The following SMYD3 variants were observed in gnomAD, a reference collection of about 807,000 sequenced individuals.
SMYD3 encodes the protein histone-lysine N-methyltransferase SMYD3.
Under a neutral mutation model 57.7 loss-of-function variants are expected in SMYD3, and 36 were observed. The observed-to-expected ratio is 0.62, with a 90% CI of 0.48 to 0.82. SMYD3 has a LOEUF of 0.82. Among genes scored for constraint, SMYD3 ranks in the 40% least tolerant of loss-of-function variants. SMYD3 has a pLI of 0.00. For missense variants in SMYD3, 515 were observed against 538.8 expected, an observed-to-expected ratio of 0.96 and a Z score of 0.44; for synonymous variants, 211 against 195.0, an observed-to-expected ratio of 1.08 and a Z score of -0.68.
At chr1:245,999,767 T>C (rs578167862) in intron 5 of SMYD3, among the ~76,000 whole-genome samples, 1 of 152,328 alleles carries the variant, frequency 6.6e-6, no homozygotes, top group East Asian at 1.9e-4. Context: ...TACAGGATAC[T>C]ACTGATCTTT....
chr1:245,955,178 G>A (rs547792209), intron 5 of SMYD3, among the ~76,000 whole-genome samples: 25 of 152,212 alleles, frequency 1.6e-4, no homozygotes, highest in South Asian at 2.1e-4. Context: ...TGCAAGTTCC[G>A]CCTCCCGGGT....
intron 7 of SMYD3, among the ~76,000 whole-genome samples, chr1:245,918,950 C>T (rs7550259): frequency 7.9e-5 from 12 of 152,136 alleles, no homozygotes; most frequent in Non-Finnish European, 1.8e-4. Context: ...TTGACTAACC[C>T]AAGACTTTAT....
intron 5 of SMYD3, among the ~76,000 whole-genome samples, chr1:246,116,201 GACACACACACACACAC>G (rs56722969): frequency 2.5e-4 from 37 of 146,028 alleles, no homozygotes; most frequent in South Asian, 9.1e-4. Context: ...CCCTGAGATG[GACACACACACACACAC>G]ACACACACAC....
At chr1:246,335,187 A>T (rs1022506489) in intron 3 of SMYD3, among the ~76,000 whole-genome samples, 180 bp downstream of exon 3, 1 of 152,214 alleles carries the variant, frequency 6.6e-6, no homozygotes, top group Non-Finnish European at 1.5e-5. Context: ...TATAATGTAA[A>T]CATAACTTTT....
At chr1:246,121,891 A>C (rs532337793) in intron 5 of SMYD3, among the ~76,000 whole-genome samples, 1 of 152,286 alleles carries the variant, frequency 6.6e-6, no homozygotes, top group Non-Finnish European at 1.5e-5. Flanking sequence ...AATCAAATAA[A>C]ATATCACAAG....
At chr1:245,914,955 TAGGGTTGACTATAA>T (rs1281505546) in intron 8 of SMYD3, among the ~76,000 whole-genome samples, 2 of 152,014 alleles carry the variant, frequency 1.3e-5, no homozygotes, top group African/African-American at 2.4e-5. Context: ...GTAGGGGTGG[TAGGGTTGACTATAA>T]AGGGACATGA....
intron 7 of SMYD3, among the ~76,000 whole-genome samples, chr1:245,927,453 G>A (rs1477177544): frequency 6.6e-6 from 1 of 152,206 alleles, no homozygotes; most frequent in African/African-American, 2.4e-5. Flanking sequence ...GACAGTATAA[G>A]CTGTTTGCTT....
At chr1:246,264,562 A>C (rs2064069450) in intron 5 of SMYD3, among the ~76,000 whole-genome samples, 1 of 152,202 alleles carries the variant, frequency 6.6e-6, no homozygotes, top group Non-Finnish European at 1.5e-5. Flanking sequence ...ACATTCTAAG[A>C]TGTCTTACAA....
chr1:246,192,048 C>G (rs2062746822), intron 5 of SMYD3, among the ~76,000 whole-genome samples: 1 of 152,154 alleles, frequency 6.6e-6, no homozygotes, highest in African/African-American at 2.4e-5. Flanking sequence ...ATCTTAAGAA[C>G]TTTCACTTAA....
At chr1:245,905,390 G>A (rs1173740162) in intron 8 of SMYD3, among the ~76,000 whole-genome samples, 3 of 152,072 alleles carry the variant, frequency 2.0e-5, no homozygotes, top group East Asian at 1.9e-4. Context: ...CATTCACCAC[G>A]AGCTGACTTT....
At chr1:246,025,184 TAGAC>T (rs745385608) in intron 5 of SMYD3, among the ~76,000 whole-genome samples, 1 of 137,752 alleles carries the variant, frequency 7.3e-6, no homozygotes, top group African/African-American at 2.9e-5. Context: ...ATACAGGAAG[TAGAC>T]AGCATCTAGG....
chr1:246,077,742 A>G lies in SMYD3; in HGVS notation c.532-147805T>C, dbSNP rs112471284. Among the ~76,000 whole-genome samples, 46 of 152,162 alleles carry G rather than the reference A, an allele frequency of 3.0e-4. 1 individual carries two copies. The highest frequency in any genetic ancestry group is 1.1e-3 in the African/African-American group (45 of 41,532). The stretch of plus-strand genomic sequence containing the variant: ...GTAGATGCCACTACTCTATGTGCCC[A>G]TAATGTCCTGATTCTTCCTCTCTGT... On this transcript the variant is annotated intron_variant, in intron 5 of 11. Coordinates refer to ENST00000490107, the MANE Select transcript of SMYD3 (RefSeq NM_001167740.2).
chr1:246,054,064 T>C (rs1318254987), intron 5 of SMYD3, among the ~76,000 whole-genome samples: 3 of 152,066 alleles, frequency 2.0e-5, no homozygotes, highest in African/African-American at 7.2e-5. Flanking sequence ...TAAAGAACTC[T>C]TACAACTCAA....
At chr1:246,291,311 A>C (rs2064685621) in intron 5 of SMYD3, among the ~76,000 whole-genome samples, 1 of 152,230 alleles carries the variant, frequency 6.6e-6, no homozygotes, top group African/African-American at 2.4e-5. Context: ...CTGAGAAGGA[A>C]GAGAGTGAGC....
intron 10 of SMYD3, among the ~76,000 whole-genome samples, chr1:245,793,106 A>T (rs6667073): frequency 6.9e-6 from 1 of 144,914 alleles, no homozygotes; most frequent in African/African-American, 2.6e-5. Flanking sequence ...TCAGGAGATC[A>T]AGACCATCCT....
intron 2 of SMYD3, among the ~76,000 whole-genome samples, chr1:246,350,725 G>T (rs766712532): frequency 6.6e-6 from 1 of 152,180 alleles, no homozygotes; most frequent in African/African-American, 2.4e-5. Context: ...AAAGGAGGCT[G>T]GAGACGGAGT....
At chr1:246,232,855 C>G (rs564471253) in intron 5 of SMYD3, among the ~76,000 whole-genome samples, 1 of 129,776 alleles carries the variant, frequency 7.7e-6, no homozygotes, top group South Asian at 3.3e-4. Context: ...AGGGGAGAAG[C>G]GCTCCTCAAT....
chr1:246,255,319 T>TATA (rs926806252), intron 5 of SMYD3, among the ~76,000 whole-genome samples: 36 of 149,998 alleles, frequency 2.4e-4, no homozygotes, highest in African/African-American at 8.8e-4. Context: ...TGGATCTTAT[T>TATA]ATAATAATAA....
chr1:246,363,442 G>A (rs1311738555), intron 1 of SMYD3, among the ~76,000 whole-genome samples: 9 of 152,192 alleles, frequency 5.9e-5, no homozygotes, highest in Non-Finnish European at 1.3e-4. Flanking sequence ...CATTGAGAAC[G>A]GGCCATGATG....
Sources: gnomAD v4.1 joint callset for allele counts (sites outside exome capture counted in the v4.1 genomes callset) on GRCh38, gnomAD v4.1.1 for gene constraint, MANE v1.5 for transcripts, NCBI Gene and HGNC (gene_info 2026-07-23, HGNC 2026-07-21) for gene names.